Variants in PDE10A observed in about 807,000 individuals in gnomAD.
The protein encoded by PDE10A is cAMP and cAMP-inhibited cGMP 3',5'-cyclic phosphodiesterase 10A.
Under a neutral mutation model 97.7 loss-of-function variants are expected in PDE10A, and 39 were observed. That is an observed-to-expected ratio of 0.40 (90% CI 0.31 to 0.52). The LOEUF (loss-of-function observed/expected upper bound fraction) is 0.52. PDE10A is among the 20% of genes least tolerant of loss of function. The pLI is 0.56. For missense variants in PDE10A, 731 were observed against 1,047.8 expected (o/e 0.70, Z 4.17); for synonymous variants, 371 against 376.8 (o/e 0.98, Z 0.18).
rs369393490 is a variant in PDE10A, at chr6:165,716,227, T to C, written c.-614-172659A>G. Among the ~76,000 whole-genome samples the C allele has an allele frequency of 1.0e-3, 153 of 152,310 alleles. 1 individual carries two copies. Among genetic ancestry groups the C allele is most frequent in the African/African-American group, 3.5e-3 (147 of 41,578 alleles). On this transcript the variant is annotated intron_variant, in intron 1 of 19. Coordinates refer to the PDE10A transcript ENST00000366882. Reference sequence around the variant, plus strand: ...TCCGAGTCTCCACAAAATTCACAAATTATTGACTCATAATTGATTTGCTGA... The same window carrying C: ...TCCGAGTCTCCACAAAATTCACAAACTATTGACTCATAATTGATTTGCTGA...
chr6:165,455,079 G>C (rs1033645312), intron 3 of PDE10A, among the ~76,000 whole-genome samples: 1 of 152,052 alleles, frequency 6.6e-6, no homozygotes, highest in Admixed American at 6.5e-5. Context: ...AATATCACGG[G>C]GGCAGGCAGA....
At chr6:165,606,888 T>C (rs993805095) in intron 1 of PDE10A, among the ~76,000 whole-genome samples, 1 of 151,992 alleles carries the variant, frequency 6.6e-6, no homozygotes, top group Non-Finnish European at 1.5e-5. Flanking sequence ...TTACTAATCA[T>C]AAGAGGGGTG....
At chr6:165,687,467 C>A (rs1314993444) in intron 1 of PDE10A, among the ~76,000 whole-genome samples, 1 of 152,224 alleles carries the variant, frequency 6.6e-6, no homozygotes, top group Non-Finnish European at 1.5e-5. Flanking sequence ...ATCACCCCAT[C>A]TACAGAGACA....
chr6:165,513,644 C>T (rs1166580026), intron 2 of PDE10A, among the ~76,000 whole-genome samples: 1 of 152,086 alleles, frequency 6.6e-6, no homozygotes, highest in Non-Finnish European at 1.5e-5. Flanking sequence ...GTTATCCAGA[C>T]AATTCATAAA....
In PDE10A at chr6:165,484,922, A is replaced by G. The variant is rs529665685; in HGVS notation, c.995-2579T>C. On this transcript the variant is annotated intron_variant, in intron 2 of 21. Coordinates refer to ENST00000539869, the MANE Select transcript of PDE10A (RefSeq NM_001385079.1). ...AGCCAACCCTAGCCAAGATGAGTAA[A>G]AGACAAACATCACTGTAGAGCTTCT... Among the ~76,000 whole-genome samples the G allele has an allele frequency of 2.0e-5, 3 of 152,322 alleles. No individual in the cohort carries two copies. In the East Asian group the frequency reaches 5.8e-4, roughly 29 times the overall value.
chr6:165,624,786 A>G (rs749256352), intron 1 of PDE10A, among the ~76,000 whole-genome samples: 1 of 152,238 alleles, frequency 6.6e-6, no homozygotes, highest in Non-Finnish European at 1.5e-5. Flanking sequence ...CAAGAAAGTA[A>G]TATCATAAAT....
intron 3 of PDE10A, among the ~76,000 whole-genome samples, chr6:165,458,566 G>C (rs1033320822): frequency 2.6e-5 from 4 of 152,038 alleles, no homozygotes; most frequent in Non-Finnish European, 4.4e-5. Flanking sequence ...AGCTAAACCA[G>C]GACACTAAGG....
intron 13 of PDE10A, among the ~76,000 whole-genome samples, chr6:165,408,378 T>C (rs1196192241): frequency 1.3e-5 from 2 of 152,138 alleles, no homozygotes; most frequent in Non-Finnish European, 2.9e-5. Context: ...TTTTTCCTAA[T>C]TTTCATATGA....
intron 2 of PDE10A, among the ~76,000 whole-genome samples, chr6:165,515,119 TCTTA>T (rs1781718188): frequency 6.6e-6 from 1 of 152,198 alleles, no homozygotes; most frequent in Non-Finnish European, 1.5e-5. Flanking sequence ...ATGTTATCTG[TCTTA>T]CTTATATTCT....
chr6:165,674,246 G>A (rs1790729505), intron 1 of PDE10A, among the ~76,000 whole-genome samples: 1 of 151,804 alleles, frequency 6.6e-6, no homozygotes, highest in South Asian at 2.1e-4. Flanking sequence ...CTCCCTCTTA[G>A]TGTTGCCGTG....
intron 1 of PDE10A, among the ~76,000 whole-genome samples, chr6:165,644,101 G>C (rs892187785): frequency 6.6e-6 from 1 of 152,170 alleles, no homozygotes; most frequent in African/African-American, 2.4e-5. Context: ...TGTCGCCCAG[G>C]CTGGAGTGCA....
intron 3 of PDE10A, among the ~76,000 whole-genome samples, chr6:165,464,459 T>G (rs947642812): frequency 1.3e-5 from 2 of 152,218 alleles, no homozygotes; most frequent in African/African-American, 4.8e-5. Flanking sequence ...ACAGAGGTAG[T>G]TTTAGAATTG....
intron 21 of PDE10A, among the ~76,000 whole-genome samples, chr6:165,334,071 T>C (rs545952644): frequency 1.6e-4 from 25 of 152,234 alleles, no homozygotes; most frequent in Admixed American, 3.9e-4. Context: ...ACTTCTGATA[T>C]ATTGGAAAAA....
chr6:165,612,930 T>C (rs1787565173), intron 1 of PDE10A, among the ~76,000 whole-genome samples: 1 of 152,210 alleles, frequency 6.6e-6, no homozygotes. Flanking sequence ...GAACTATTAG[T>C]GAGTCCTTTA....
rs557285668 is a variant in PDE10A at position 165,668,749 on chromosome 6, GAGAA to G, written c.-614-125185_-614-125182del. Among the ~76,000 whole-genome samples, 601 of 123,580 alleles carry G rather than the reference GAGAA, an allele frequency of 4.9e-3. 1 individual carries two copies. Among genetic ancestry groups the G allele is most frequent in the South Asian group, 0.018 (61 of 3,310 alleles). 81.1% of individuals were successfully genotyped at this position (123,580 alleles called of 152,430 possible). On this transcript the variant is annotated intron_variant, in intron 1 of 19. Coordinates refer to the PDE10A transcript ENST00000366882. Reference sequence around the variant, plus strand: ...GAGAGAAAGAAAGAAAAGACAGAAAGAGAAAGGAAGGAAGGAAGGTAGGAAGGGA... The same window carrying G: ...GAGAGAAAGAAAGAAAAGACAGAAAGAGGAAGGAAGGAAGGTAGGAAGGGA...
intron 1 of PDE10A, among the ~76,000 whole-genome samples, chr6:165,612,916 A>G (rs545332699): frequency 4.6e-5 from 7 of 152,370 alleles, no homozygotes; most frequent in African/African-American, 1.7e-4. Context: ...CATAAATAAC[A>G]TAAGAACTAT....
intron 1 of PDE10A, among the ~76,000 whole-genome samples, chr6:165,784,188 C>A (rs1778426071): frequency 6.6e-6 from 1 of 151,518 alleles, no homozygotes; most frequent in Non-Finnish European, 1.5e-5. Context: ...CCACCACACA[C>A]CAGCCCAGGC....
At chr6:165,537,511 C>A (rs1206881737) in intron 2 of PDE10A, among the ~76,000 whole-genome samples, 1 of 151,796 alleles carries the variant, frequency 6.6e-6, no homozygotes, top group Non-Finnish European at 1.5e-5. Flanking sequence ...TCAAATATCA[C>A]CTGAACCTCA....
chr6:165,807,925 G>A (rs546554635), intron 1 of PDE10A, among the ~76,000 whole-genome samples: 1 of 152,324 alleles, frequency 6.6e-6, no homozygotes, highest in African/African-American at 2.4e-5. Flanking sequence ...GTGTGCTAGT[G>A]TGTGGACAAC....
Sources: allele counts gnomAD v4.1 joint callset (sites outside exome capture counted in the v4.1 genomes callset), GRCh38; gene constraint gnomAD v4.1.1; transcripts MANE v1.5; gene names NCBI Gene and HGNC (gene_info 2026-07-23, HGNC 2026-07-21).